CAB39L: variants seen among roughly 807,000 people sequenced by gnomAD.
CAB39L encodes calcium-binding protein 39-like.
A neutral mutation model predicts 39.1 loss-of-function variants in CAB39L; 23 were observed. The observed-to-expected ratio is 0.59, with a 90% CI of 0.42 to 0.83. The LOEUF is 0.83. Ranked by LOEUF, CAB39L falls within the 40% of genes least tolerant of loss-of-function variation. The pLI is 0.00. For synonymous variants in CAB39L, 126 were observed against 137.2 expected, an observed-to-expected ratio of 0.92 and a Z score of 0.57; for missense variants, 366 against 391.9, an observed-to-expected ratio of 0.93 and a Z score of 0.56.
At chr13:49,422,310 C>T (rs1957182992) in intron 3 of CAB39L, among the ~76,000 whole-genome samples, 1 of 152,216 alleles carries the variant, frequency 6.6e-6, no homozygotes. Context: ...TGGTGGCTCA[C>T]ACCTATAATC....
rs10576159 is a variant in CAB39L, at chr13:49,346,075, G to GAT, written c.565-1839_565-1838dup. Among the ~76,000 whole-genome samples the GAT allele has an allele frequency of 4.8e-3, 393 of 81,412 alleles. 7 individuals are homozygous for GAT. The highest frequency in any genetic ancestry group is 0.038 in the East Asian group (78 of 2,072). 53.4% of individuals were successfully genotyped at this position (81,412 alleles called of 152,430 possible). On this transcript the variant is annotated intron_variant, in intron 7 of 10. Coordinates refer to ENST00000409308, the MANE Select transcript of CAB39L (RefSeq NM_001079670.3). Reference sequence around the variant, plus strand: ...TCCTCCAGCATATATATATATGCTAGATATATATATATATATATATGCTAG... The same window carrying GAT: ...TCCTCCAGCATATATATATATGCTAGATATATATATATATATATATATGCTAG...
chr13:49,441,221 G>GTGTATATATATATATATATATATATATA (rs1024957572), intron 1 of CAB39L, among the ~76,000 whole-genome samples: 49 of 121,402 alleles, frequency 4.0e-4, no homozygotes, highest in African/African-American at 1.7e-3. Context: ...ATGATTTAGT[G>GTGTATATATATATATATATATATATATA]TATATATATA....
At chr13:49,320,023 G>A (rs1360785807) in intron 10 of CAB39L, among the ~76,000 whole-genome samples, 2 of 152,020 alleles carry the variant, frequency 1.3e-5, no homozygotes, top group Admixed American at 6.6e-5. Context: ...TTGTGCCCAG[G>A]TTTTAAATTT....
chr13:49,312,828 C>A lies in CAB39L; in HGVS notation c.835-1835G>T, dbSNP rs995649237. On this transcript the variant is annotated intron_variant, in intron 10 of 10. Transcript: ENST00000409308. ...AAAATAACATAACAAATCCAGTATA[C>A]GTACCTCACAAATTGAATAGATTTT... Among the ~76,000 whole-genome samples the A allele has an allele frequency of 7.9e-5, 12 of 152,248 alleles. No homozygotes were observed. In the East Asian group the frequency reaches 9.6e-4, roughly 12 times the overall value.
intron 5 of CAB39L, among the ~76,000 whole-genome samples, chr13:49,367,639 G>A (rs1240989212): frequency 6.6e-6 from 1 of 152,126 alleles, no homozygotes; most frequent in Non-Finnish European, 1.5e-5. Context: ...TTTATAGGCC[G>A]GGCACGGTGG....
chr13:49,311,020 G>T (rs776723158), intron 10 of CAB39L, 27 bp from the exon 11 acceptor site: 8 of 1,606,802 alleles, frequency 5.0e-6, no homozygotes, highest in Non-Finnish European at 5.1e-6. Context: ...CAAATACTTA[G>T]GAGTGCAAGC....
intron 1 of CAB39L, among the ~76,000 whole-genome samples, chr13:49,443,001 T>A (rs1388795819): frequency 6.7e-6 from 1 of 150,242 alleles, no homozygotes; most frequent in Non-Finnish European, 1.5e-5. Context: ...CACAAAATAT[T>A]AGCCTTTCAT....
chr13:49,351,817 T>C (rs1409525185), intron 6 of CAB39L, among the ~76,000 whole-genome samples: 1 of 151,998 alleles, frequency 6.6e-6, no homozygotes. Context: ...TGGAGTTGGG[T>C]GAGGGAATAA....
chr13:49,324,759 G>A (rs113562131), intron 10 of CAB39L, among the ~76,000 whole-genome samples: 51 of 152,290 alleles, frequency 3.3e-4, no homozygotes, highest in African/African-American at 1.2e-3. Context: ...TGTTCTGTAC[G>A]CTACAAAATG....
intron 5 of CAB39L, among the ~76,000 whole-genome samples, chr13:49,361,407 G>C (rs1177150906): frequency 6.9e-6 from 1 of 144,900 alleles, no homozygotes; most frequent in African/African-American, 2.6e-5. Context: ...GAACCCGGGA[G>C]GCAGAGGTTG....
At chr13:49,329,577 ATATATATATATATATAT>A (rs1954624643) in intron 10 of CAB39L, among the ~76,000 whole-genome samples, 2 of 115,190 alleles carry the variant, frequency 1.7e-5, no homozygotes, top group African/African-American at 3.4e-5. Flanking sequence ...ATATATATAT[ATATATATATATATATAT>A]ATAATGATGT....
At chr13:49,340,114 C>T (rs1440388524) in intron 8 of CAB39L, among the ~76,000 whole-genome samples, 1 of 152,198 alleles carries the variant, frequency 6.6e-6, no homozygotes, top group Non-Finnish European at 1.5e-5. Context: ...ACACTTAAGG[C>T]TTCACTTGGC....
chr13:49,354,305 C>G (rs1354767348), intron 6 of CAB39L, among the ~76,000 whole-genome samples: 2 of 152,166 alleles, frequency 1.3e-5, no homozygotes, highest in Non-Finnish European at 2.9e-5. Context: ...TAGGGATATA[C>G]AGAGATATAT....
In CAB39L at chr13:49,309,174, G is replaced by C. The variant is rs1953918816; in HGVS notation, c.*1640C>G. 1 of 152,224 alleles carries C rather than the reference G, an allele frequency of 6.6e-6. No homozygotes were observed. The highest frequency in any genetic ancestry group is 2.4e-5 in the African/African-American group (1 of 41,468). The allele number at this position is 152,224 out of a possible 1,614,324, so 9.4% of individuals were successfully genotyped here. ...AAATAATCTGACGTCAGTGACTAAA[G>C]AGTACGGGTCATCAGGCTGCCGGCC... On this transcript the variant is annotated 3_prime_UTR_variant, in exon 11 of 11. Coordinates refer to ENST00000409308, the MANE Select transcript of CAB39L (RefSeq NM_001079670.3).
At chr13:49,439,137 C>T (rs1957462180) in intron 1 of CAB39L, among the ~76,000 whole-genome samples, 1 of 152,060 alleles carries the variant, frequency 6.6e-6, no homozygotes, top group Admixed American at 6.6e-5. Context: ...TGTATATTCA[C>T]TCTTGGTTTC....
rs753738276 is a variant in CAB39L, at chr13:49,310,796, C to T, written c.*18G>A. On this transcript the variant is annotated 3_prime_UTR_variant, in exon 11 of 11. Coordinates refer to ENST00000409308, the MANE Select transcript of CAB39L (RefSeq NM_001079670.3). ...GGACAAATGAGACGACTGACTGTGA[C>T]AGGGGCCGGGGAGCTCTTCAAGGGG... 1 of 1,610,216 alleles carries T rather than the reference C, an allele frequency of 6.2e-7. No homozygotes were observed. The highest frequency in any genetic ancestry group is 1.3e-5 in the African/African-American group (1 of 74,764).
At chr13:49,427,446 T>C (rs1033896751) in intron 3 of CAB39L, among the ~76,000 whole-genome samples, 1 of 152,038 alleles carries the variant, frequency 6.6e-6, no homozygotes, top group African/African-American at 2.4e-5. Context: ...TCCCAGCACT[T>C]TGGGAGGCCA....
chr13:49,406,192 G>A (rs1023382674), intron 3 of CAB39L, among the ~76,000 whole-genome samples: 22 of 149,316 alleles, frequency 1.5e-4, no homozygotes, highest in Admixed American at 1.3e-4. Flanking sequence ...TTTTGAGATG[G>A]AGTCTTGCTC....
chr13:49,359,738 T>C lies in CAB39L; in HGVS notation c.371A>G (p.His124Arg), dbSNP rs746302292. 4.4e-6 allele frequency: 7 copies of C among 1,605,764 alleles called. No homozygotes were observed. The highest frequency in any genetic ancestry group is 5.1e-6 in the Non-Finnish European group (6 of 1,172,948). The change falls in exon 6 of 11, where the codon CAT becomes CGT. Residue 124 changes from histidine to arginine, a missense_variant. Transcript: ENST00000409308. ...CCCTTTGAGGAGCATAAACAGGATA[T>C]GAGGATGAGCACTAATATACTCCAC... is the stretch of plus-strand genomic sequence containing the variant. ...PTVEYISAHPHILFMLLKGYE... is the reference protein window; with the variant it reads ...PTVEYISAHPRILFMLLKGYE...
Sources: gnomAD v4.1 joint callset for allele counts (sites outside exome capture counted in the v4.1 genomes callset) on GRCh38, gnomAD v4.1.1 for gene constraint, MANE v1.5 for transcripts, NCBI Gene and HGNC (gene_info 2026-07-23, HGNC 2026-07-21) for gene names.